Variants in GABRG3 observed in about 807,000 individuals in gnomAD.
GABRG3 encodes the protein gamma-aminobutyric acid type A receptor subunit gamma3.
A neutral mutation model predicts 48.8 loss-of-function variants in GABRG3; 25 were observed. That is an observed-to-expected ratio of 0.51 (90% CI 0.37 to 0.72). The LOEUF (loss-of-function observed/expected upper bound fraction) is 0.72. GABRG3 is among the 30% of genes least tolerant of loss of function. The probability of loss-of-function intolerance (pLI) is 0.00; values close to 1 mark genes in which losing one functional copy is unlikely to be tolerated. For synonymous variants in GABRG3, 227 were observed against 217.6 expected (o/e 1.04, Z -0.38); for missense variants, 394 against 577.9 (o/e 0.68, Z 3.26).
intron 3 of GABRG3, among the ~76,000 whole-genome samples, chr15:27,165,941 G>T (rs77650230): frequency 6.6e-6 from 1 of 152,096 alleles, no homozygotes; most frequent in Non-Finnish European, 1.5e-5. Flanking sequence ...AGAAGTGAGA[G>T]ATGTAAGAAG....
chr15:27,370,348 A>G (rs1895367709), intron 5 of GABRG3, among the ~76,000 whole-genome samples: 1 of 152,232 alleles, frequency 6.6e-6, no homozygotes, highest in Non-Finnish European at 1.5e-5. Context: ...ATGGCCAGCT[A>G]GCCACTTAGC....
intron 5 of GABRG3, among the ~76,000 whole-genome samples, chr15:27,458,714 GA>G (rs576300366): frequency 1.5e-3 from 234 of 152,188 alleles, no homozygotes; most frequent in African/African-American, 5.3e-3. Context: ...ACCAAAAGGA[GA>G]AAAATCCAGG....
chr15:27,376,563 C>T (rs1895603272), intron 5 of GABRG3, among the ~76,000 whole-genome samples: 1 of 152,208 alleles, frequency 6.6e-6, no homozygotes, highest in Admixed American at 6.5e-5. Flanking sequence ...CTTCTGTGCC[C>T]TCACAGGCTC....
intron 2 of GABRG3, among the ~76,000 whole-genome samples, chr15:26,996,807 G>A (rs994780606): frequency 6.6e-6 from 1 of 151,672 alleles, no homozygotes; most frequent in East Asian, 1.9e-4. Context: ...CTGCCACCAC[G>A]CCCAGCTAAT....
rs113218982 is a variant in GABRG3 at position 27,386,257 on chromosome 15, G to A, written c.574+57369G>A. 5.5e-3 allele frequency among the ~76,000 whole-genome samples: 834 copies of A among 152,162 alleles called. 10 individuals are homozygous for A. The highest frequency in any genetic ancestry group is 0.019 in the African/African-American group (796 of 41,500). ...AACTGCTTGAGTGAGTTTGTTTCCC[G>A]TCCTTTGCTGTCGGATTTTTAAAAC... On this transcript the variant is annotated intron_variant, in intron 5 of 9. Coordinates refer to ENST00000615808, the MANE Select transcript of GABRG3 (RefSeq NM_033223.5).
intron 5 of GABRG3, chr15:27,340,534 A>G (rs1026947931): frequency 2.6e-5 from 4 of 153,796 alleles, no homozygotes; most frequent in African/African-American, 9.6e-5. Flanking sequence ...AAACAACTTG[A>G]AGGAGCCACT....
chr15:27,151,353 G>A (rs1898308756), intron 3 of GABRG3, among the ~76,000 whole-genome samples: 1 of 113,506 alleles, frequency 8.8e-6, no homozygotes, highest in Admixed American at 8.8e-5. Context: ...TACCTTTTGG[G>A]ACTGTTTTTT....
rs201070689 is a variant in GABRG3 at position 27,311,656 on chromosome 15, TAGAC to T, written c.271-15150_271-15147del. ...TGGGGATAGGGAAAAAAAAAACAGT[TAGAC>T]AGGGAATCCAATGATTCAACTTTTC... On this transcript the variant is annotated intron_variant, in intron 3 of 9. Transcript: ENST00000615808. Among the ~76,000 whole-genome samples the T allele has an allele frequency of 3.1e-3, 465 of 151,470 alleles. 4 individuals are homozygous for T. Among genetic ancestry groups the T allele is most frequent in the East Asian group, 0.012 (64 of 5,150 alleles).
intron 3 of GABRG3, among the ~76,000 whole-genome samples, chr15:27,063,371 G>A (rs1052924308): frequency 6.6e-6 from 1 of 152,240 alleles, no homozygotes; most frequent in African/African-American, 2.4e-5. Context: ...GCGATCCTCA[G>A]TCTCTGAGGT....
chr15:27,256,004 T>C (rs2140462986), intron 3 of GABRG3, among the ~76,000 whole-genome samples: 1 of 152,358 alleles, frequency 6.6e-6, no homozygotes, highest in East Asian at 1.9e-4. Flanking sequence ...TTATTTTACA[T>C]GGCAAAAGAG....
At chr15:27,116,768 G>A (rs1897648303) in intron 3 of GABRG3, among the ~76,000 whole-genome samples, 1 of 152,290 alleles carries the variant, frequency 6.6e-6, no homozygotes, top group East Asian at 1.9e-4. Flanking sequence ...GTTTCACACA[G>A]CATTTGGCCT....
rs147459440 is a variant in GABRG3, at chr15:27,265,881, G to GTTTTTTTTTTTTTTTTT, written c.271-60928_271-60927insTTTTTTTTTTTTTTTTT. 1.0e-4 allele frequency among the ~76,000 whole-genome samples: 13 copies of GTTTTTTTTTTTTTTTTT among 124,858 alleles called. 1 individual carries two copies. The highest frequency in any genetic ancestry group is 4.4e-4 in the East Asian group (2 of 4,584). 81.9% of individuals were successfully genotyped at this position (124,858 alleles called of 152,430 possible). On this transcript the variant is annotated intron_variant, in intron 3 of 9. Transcript: ENST00000615808. Reference sequence around the variant, plus strand: ...TGCAAGGTCAAGAAGATTTTCTCCTGGTTTTTTTTTTTTTTTGAGAGTGAC... The same window carrying GTTTTTTTTTTTTTTTTT: ...TGCAAGGTCAAGAAGATTTTCTCCTGTTTTTTTTTTTTTTTTTGTTTTTTTTTTTTTTTGAGAGTGAC...
chr15:27,329,707 C>G (rs1015428950), intron 5 of GABRG3, among the ~76,000 whole-genome samples: 4 of 152,158 alleles, frequency 2.6e-5, no homozygotes, highest in Non-Finnish European at 4.4e-5. Context: ...CAACATTTTA[C>G]TTATGGTAGA....
chr15:27,505,225 T>C (rs985518811), intron 6 of GABRG3, among the ~76,000 whole-genome samples: 1 of 152,208 alleles, frequency 6.6e-6, no homozygotes, highest in African/African-American at 2.4e-5. Flanking sequence ...TGTTTTCTCA[T>C]GTTAGACACT....
In GABRG3 at chr15:27,057,486, T is replaced by C. The variant is rs60147164; in HGVS notation, c.270+30665T>C. The stretch of plus-strand genomic sequence containing the variant: ...ATTAAAACAAAAACATTTCAGAGAA[T>C]GTCATGGGGTGGTTTGAGGTCTGCT... On this transcript the variant is annotated intron_variant, in intron 3 of 9. Coordinates refer to ENST00000615808, the MANE Select transcript of GABRG3 (RefSeq NM_033223.5). Among the ~76,000 whole-genome samples the C allele has an allele frequency of 0.011, 1,682 of 152,238 alleles. 101 individuals carry two copies. In the East Asian group the frequency reaches 0.17, roughly 15 times the overall value.
chr15:27,034,195 G>A (rs1333272915), intron 3 of GABRG3, among the ~76,000 whole-genome samples: 11 of 152,154 alleles, frequency 7.2e-5, no homozygotes, highest in Non-Finnish European at 1.3e-4. Context: ...TTCTCGAAAA[G>A]CATACAACTG....
At chr15:27,477,932 G>A (rs1222300302) in intron 5 of GABRG3, among the ~76,000 whole-genome samples, 2 of 151,956 alleles carry the variant, frequency 1.3e-5, no homozygotes, top group Non-Finnish European at 2.9e-5. Flanking sequence ...TGCAGTCCCA[G>A]CTACTCAAGA....
chr15:27,476,425 G>GT (rs1889943149), intron 5 of GABRG3, among the ~76,000 whole-genome samples: 3 of 151,948 alleles, frequency 2.0e-5, no homozygotes, highest in Admixed American at 6.5e-5. Flanking sequence ...TCAAAGGAAA[G>GT]TATAACAACT....
At chr15:27,493,263 A>G (rs779325982) in intron 6 of GABRG3, among the ~76,000 whole-genome samples, 4 of 152,244 alleles carry the variant, frequency 2.6e-5, no homozygotes, top group Middle Eastern at 3.4e-3. Context: ...ACTCGATTTC[A>G]TATTTTTAAA....
Sources: allele counts gnomAD v4.1 joint callset (sites outside exome capture counted in the v4.1 genomes callset), GRCh38; gene constraint gnomAD v4.1.1; transcripts MANE v1.5; gene names NCBI Gene and HGNC (gene_info 2026-07-23, HGNC 2026-07-21).